Variants in BLTP1 observed in about 807,000 individuals in gnomAD.
BLTP1 encodes the protein fragile site-associated protein.
the BLTP1 span, chr4:122,226,183 GT>G: frequency 3.6e-3 from 512 of 143,184 alleles, 1 homozygote; most frequent in African/African-American, 7.5e-3. Context: ...CAATTAGGGT[GT>G]TTTTTTTTTT....
the BLTP1 span, chr4:122,258,874 T>C: frequency 6.9e-7 from 1 of 1,453,332 alleles, no homozygotes; most frequent in Non-Finnish European, 9.4e-7. Flanking sequence ...GTTAGAGTTA[T>C]CCAGACTTAC....
chr4:122,223,174 G>A, the BLTP1 span: 1 of 970,860 alleles, frequency 1.0e-6, no homozygotes, highest in Non-Finnish European at 1.2e-6. Flanking sequence ...AGCTTCTAGA[G>A]TGATTATTGT....
chr4:122,217,469 T>C, the BLTP1 span, among the ~76,000 whole-genome samples: 1 of 152,146 alleles, frequency 6.6e-6, no homozygotes, highest in Non-Finnish European at 1.5e-5. Flanking sequence ...TTTCACAATA[T>C]TGATTCTACC....
chr4:122,310,357 T>G, the BLTP1 span, among the ~76,000 whole-genome samples: 1 of 151,832 alleles, frequency 6.6e-6, no homozygotes, highest in Non-Finnish European at 1.5e-5. Flanking sequence ...GCTGGGGGGC[T>G]TGTGTAATAA....
the BLTP1 span, chr4:122,207,722 C>T: frequency 1.5e-5 from 18 of 1,167,232 alleles, no homozygotes; most frequent in East Asian, 3.2e-4. Context: ...TCTCTTCTCC[C>T]CAGTCCATTG....
At chr4:122,280,090 C>T in the BLTP1 span, 19 of 1,566,168 alleles carry the variant, frequency 1.2e-5, no homozygotes, top group African/African-American at 5.4e-5. Context: ...TTCTAAGTAT[C>T]GACCATTATG....
At chr4:122,352,788 A>G in the BLTP1 span, 2 of 1,273,250 alleles carry the variant, frequency 1.6e-6, no homozygotes, top group East Asian at 2.3e-5. Context: ...GGCACTGGAC[A>G]CTGTTTTCAT....
the BLTP1 span, chr4:122,214,510 C>G: frequency 6.3e-5 from 59 of 934,860 alleles, no homozygotes; most frequent in Non-Finnish European, 7.3e-5. Context: ...TATTTGTGTA[C>G]ATTTATTAAT....
the BLTP1 span, chr4:122,179,759 A>AGCACATACATGCACACACACTC: frequency 3.9e-6 from 3 of 774,084 alleles, no homozygotes. Flanking sequence ...TTCAAAGATG[A>AGCACATACATGCACACACACTC]GCACATACAT....
chr4:122,187,818 T>C, the BLTP1 span: 6 of 1,425,130 alleles, frequency 4.2e-6, no homozygotes, highest in South Asian at 8.4e-5. Flanking sequence ...TGTTTGTTAT[T>C]AGTTTAGCTA....
chr4:122,341,577 T>A, the BLTP1 span: 1 of 667,884 alleles, frequency 1.5e-6, no homozygotes, highest in Non-Finnish European at 1.9e-6. Flanking sequence ...ATGAGAAATT[T>A]TTTATGCCCA....
the BLTP1 span, among the ~76,000 whole-genome samples, chr4:122,163,330 C>T: frequency 2.0e-5 from 3 of 152,156 alleles, no homozygotes; most frequent in Non-Finnish European, 4.4e-5. Context: ...AATAAACTAC[C>T]ATCGGAGTTA....
chr4:122,315,810 T>G, the BLTP1 span: 2 of 816,346 alleles, frequency 2.4e-6, no homozygotes, highest in African/African-American at 3.4e-5. Context: ...AAGGGAATGG[T>G]GGTTCACTGT....
At chr4:122,336,473 A>G in the BLTP1 span, 1 of 781,394 alleles carries the variant, frequency 1.3e-6, no homozygotes, top group Admixed American at 3.4e-5. Flanking sequence ...ATGTTAAAGA[A>G]TTATAAACTG....
chr4:122,182,718 C>T, the BLTP1 span: 1 of 985,072 alleles, frequency 1.0e-6, no homozygotes, highest in Non-Finnish European at 1.2e-6. Flanking sequence ...TAGAAGTTCT[C>T]AGTATTTTTC....
the BLTP1 span, among the ~76,000 whole-genome samples, chr4:122,228,183 G>A: frequency 6.6e-6 from 1 of 152,096 alleles, no homozygotes; most frequent in Admixed American, 6.6e-5. Flanking sequence ...AAAGTGCTGG[G>A]ATTACAGGCG....
the BLTP1 span, among the ~76,000 whole-genome samples, chr4:122,183,919 G>A: frequency 6.6e-6 from 1 of 151,366 alleles, no homozygotes; most frequent in Non-Finnish European, 1.5e-5. Context: ...CCACAAAGAG[G>A]TACATTTTTT....
chr4:122,318,047 C>A, the BLTP1 span: 1 of 1,270,282 alleles, frequency 7.9e-7, no homozygotes, highest in South Asian at 1.5e-5. Flanking sequence ...TGTATATAAT[C>A]ATCTTTGGTA....
chr4:122,264,365 G>C, the BLTP1 span: 1 of 1,611,682 alleles, frequency 6.2e-7, no homozygotes, highest in Non-Finnish European at 8.5e-7. Flanking sequence ...CAGTCAGGAT[G>C]ATGTGGCAGG....
Sources: allele counts gnomAD v4.1 joint callset (sites outside exome capture counted in the v4.1 genomes callset), GRCh38; gene constraint gnomAD v4.1.1; transcripts MANE v1.5; gene names NCBI Gene and HGNC (gene_info 2026-07-23, HGNC 2026-07-21).